Variants in IGDCC3 observed in about 807,000 individuals in gnomAD.
IGDCC3 encodes the protein putative neuronal cell adhesion molecule.
In IGDCC3, 47 loss-of-function variants were observed where a neutral mutation model predicts 72.0. That is an observed-to-expected ratio of 0.65 (90% CI 0.52 to 0.83). IGDCC3 has a LOEUF of 0.83. IGDCC3 is among the 40% of genes least tolerant of loss of function. The pLI, the probability that IGDCC3 is intolerant of heterozygous loss-of-function variation, is 0.00. For synonymous variants in IGDCC3, 477 were observed against 472.8 expected (o/e 1.01, Z -0.11); for missense variants, 1,038 against 1,091.3 (o/e 0.95, Z 0.69).
At chr15:65,334,555 C>G in intron 5 of IGDCC3, 173 bp downstream of exon 5, 1 of 630,316 alleles carries the variant, frequency 1.6e-6, no homozygotes, top group East Asian at 3.2e-5. Context: ...CCTCCCTGGT[C>G]CTTCCAGGAG....
intron 2 of IGDCC3, among the ~76,000 whole-genome samples, chr15:65,337,400 A>C (rs2091040133): frequency 6.6e-6 from 1 of 152,054 alleles, no homozygotes; most frequent in Non-Finnish European, 1.5e-5. Flanking sequence ...CTGGACGGGA[A>C]TCCGTCCACT....
chr15:65,369,621 G>C lies in IGDCC3; in HGVS notation c.409+5476C>G, dbSNP rs183769879. ...ATGTGTGTGTTTGAGGAGCTGCGGG[G>C]GAGACTTCCTCAGGCCTCCCTCAGT... On this transcript the variant is annotated intron_variant, in intron 2 of 13. Transcript: ENST00000327987. Among the ~76,000 whole-genome samples, 31 of 152,238 alleles carry C rather than the reference G, an allele frequency of 2.0e-4. No homozygotes were observed. In the East Asian group the frequency reaches 5.8e-3, roughly 28 times the overall value.
intron 2 of IGDCC3, among the ~76,000 whole-genome samples, chr15:65,374,704 C>T (rs1230708993): frequency 2.0e-5 from 3 of 152,156 alleles, no homozygotes; most frequent in Non-Finnish European, 4.4e-5. Context: ...CGAAATTACC[C>T]TTCAAGAATT....
chr15:65,337,288 C>T (rs188561661), intron 2 of IGDCC3, among the ~76,000 whole-genome samples: 28 of 152,318 alleles, frequency 1.8e-4, no homozygotes, highest in African/African-American at 2.6e-4. Context: ...CCTGCCTCCT[C>T]GTCTTTGAGG....
At chr15:65,335,991 G>T in intron 2 of IGDCC3, 35 bp from the exon 3 acceptor site, 1 of 1,611,044 alleles carries the variant, frequency 6.2e-7, no homozygotes. Flanking sequence ...GCAGTGCGCT[G>T]CTGAGGGCAG....
At chr15:65,365,002 G>C (rs1052731067) in intron 2 of IGDCC3, among the ~76,000 whole-genome samples, 9 of 152,188 alleles carry the variant, frequency 5.9e-5, no homozygotes, top group African/African-American at 2.2e-4. Context: ...GGAAGGCCAG[G>C]GTTCAGAAGC....
intron 2 of IGDCC3, among the ~76,000 whole-genome samples, chr15:65,336,512 T>C (rs1475090284): frequency 6.6e-6 from 1 of 151,482 alleles, no homozygotes; most frequent in Non-Finnish European, 1.5e-5. Context: ...GCCCGGGAGC[T>C]TTTTTTTGGT....
chr15:65,344,417 C>T (rs1183660310), intron 2 of IGDCC3, among the ~76,000 whole-genome samples: 1 of 152,168 alleles, frequency 6.6e-6, no homozygotes, highest in East Asian at 1.9e-4. Flanking sequence ...ACCACTCCCC[C>T]GCACCCAATT....
chr15:65,373,638 G>C (rs2091340989), intron 2 of IGDCC3: 1 of 152,722 alleles, frequency 6.5e-6, no homozygotes, highest in African/African-American at 2.4e-5. Flanking sequence ...GGGAGGGTGT[G>C]GGTTCAGGCT....
At chr15:65,361,291 C>A (rs112971466) in intron 2 of IGDCC3, among the ~76,000 whole-genome samples, 5 of 125,916 alleles carry the variant, frequency 4.0e-5, no homozygotes, top group African/African-American at 1.6e-4. Context: ...AATAAAAAAA[C>A]ATTAGCTGGG....
rs8043279 is a variant in IGDCC3, at chr15:65,334,357, C to T, written c.823+371G>A. Among the ~76,000 whole-genome samples, 7 of 152,164 alleles carry T rather than the reference C, an allele frequency of 4.6e-5. No homozygotes were observed. The South Asian group carries it at 1.2e-3, about 27-fold the overall frequency. On this transcript the variant is annotated intron_variant, in intron 5 of 13. Coordinates refer to ENST00000327987, the MANE Select transcript of IGDCC3 (RefSeq NM_004884.4). ...TTTTTAGGGACTTGGGACTGCACAG[C>T]TGAGGAACACGGCCAGAGTATAGAG...
chr15:65,335,136 C>T (rs966951833), intron 4 of IGDCC3, among the ~76,000 whole-genome samples, 155 bp downstream of exon 4: 5 of 152,168 alleles, frequency 3.3e-5, no homozygotes, highest in African/African-American at 1.2e-4. Context: ...CCTTAGATTC[C>T]TGTGCACCCT....
intron 2 of IGDCC3, among the ~76,000 whole-genome samples, chr15:65,368,361 C>T (rs1004527755): frequency 1.3e-5 from 2 of 152,202 alleles, no homozygotes; most frequent in East Asian, 3.9e-4. Context: ...CTCCTATTCA[C>T]CGGCCCACAT....
chr15:65,365,055 C>T (rs1242674781), intron 2 of IGDCC3, among the ~76,000 whole-genome samples: 7 of 152,150 alleles, frequency 4.6e-5, no homozygotes, highest in Non-Finnish European at 8.8e-5. Flanking sequence ...ACTGGAGGAC[C>T]AGCCATGTCC....
Position 65,335,398 on chromosome 15 carries a change from A to G in IGDCC3, c.578T>C (p.Val193Ala), listed in dbSNP as rs1440975757. 3 of 1,611,792 alleles carry G rather than the reference A, an allele frequency of 1.9e-6. No homozygotes were observed. The highest frequency in any genetic ancestry group is 1.7e-5 in the Admixed American group (1 of 59,680). ...NERYTLLPKG[V>A]LQITGLRAED... ...AGCTCGAAGTCCTGTGATCTGCAGG[A>G]CCCCCTTGGGCAGCAATGTGTACCT... The change falls in exon 4 of 14, where the codon GTC becomes GCC. Residue 193 changes from valine (V) to alanine (A), a missense_variant. Val to Ala is a moderately conservative substitution (Grantham distance 64). Coordinates refer to ENST00000327987, the MANE Select transcript of IGDCC3 (RefSeq NM_004884.4).
chr15:65,344,730 T>C (rs2091112040), intron 2 of IGDCC3, among the ~76,000 whole-genome samples: 1 of 152,184 alleles, frequency 6.6e-6, no homozygotes, highest in Non-Finnish European at 1.5e-5. Context: ...CTGCTTTTAA[T>C]TACTCAGCCC....
intron 2 of IGDCC3, among the ~76,000 whole-genome samples, chr15:65,345,451 G>C (rs1006093711): frequency 5.2e-4 from 79 of 152,036 alleles, no homozygotes; most frequent in Non-Finnish European, 3.1e-4. Context: ...CTACTCAGGA[G>C]GCCAAGGCAG....
At chr15:65,344,274 G>C (rs952917538) in intron 2 of IGDCC3, among the ~76,000 whole-genome samples, 1 of 152,074 alleles carries the variant, frequency 6.6e-6, no homozygotes, top group Admixed American at 6.5e-5. Context: ...CTGGGACTTT[G>C]CCTAGTGACC....
At chr15:65,347,839 G>A (rs1169081766) in intron 2 of IGDCC3, among the ~76,000 whole-genome samples, 3 of 152,174 alleles carry the variant, frequency 2.0e-5, no homozygotes, top group African/African-American at 7.2e-5. Context: ...GCTGAGGCAA[G>A]GCAGGAGAAT....
Sources: gnomAD v4.1 joint callset for allele counts (sites outside exome capture counted in the v4.1 genomes callset) on GRCh38, gnomAD v4.1.1 for gene constraint, MANE v1.5 for transcripts, NCBI Gene and HGNC (gene_info 2026-07-23, HGNC 2026-07-21) for gene names.